The following ADGRB3 variants were observed in gnomAD, a reference collection of about 807,000 sequenced individuals.
ADGRB3 encodes brain-specific angiogenesis inhibitor 3.
In ADGRB3, 37 loss-of-function variants were observed where a neutral mutation model predicts 193.4. The observed-to-expected ratio is 0.19, with a 90% CI of 0.15 to 0.25. The LOEUF (loss-of-function observed/expected upper bound fraction) is 0.25. ADGRB3 is among the 10% of genes least tolerant of loss of function. ADGRB3 has a pLI of 1.00. For missense variants in ADGRB3, 1,637 were observed against 1,852.9 expected (o/e 0.88, Z 2.14); for synonymous variants, 690 against 644.2 (o/e 1.07, Z -1.08).
chr6:69,101,199 A>G (rs888994013), intron 17 of ADGRB3, among the ~76,000 whole-genome samples: 7 of 152,122 alleles, frequency 4.6e-5, no homozygotes, highest in Admixed American at 1.3e-4. Context: ...AAGTGCTTGT[A>G]TAAAATGCTT....
chr6:68,989,575 C>T lies in ADGRB3; in HGVS notation c.1735-4193C>T, dbSNP rs372504038. ...GTCACTGAATGTCCACTTTTAACCT[C>T]TATTTTTATATTAACCCATCATAAT... On this transcript the variant is annotated intron_variant, in intron 10 of 31. Transcript: ENST00000370598. Among the ~76,000 whole-genome samples the T allele has an allele frequency of 4.8e-4, 73 of 152,164 alleles. No homozygotes were observed. In the East Asian group the frequency reaches 0.01, roughly 21 times the overall value.
At chr6:69,010,190 A>G (rs769831245) in intron 11 of ADGRB3, among the ~76,000 whole-genome samples, 5 of 152,032 alleles carry the variant, frequency 3.3e-5, no homozygotes, top group Non-Finnish European at 7.4e-5. Flanking sequence ...CATTCACCAT[A>G]ATGCCTCTCA....
intron 3 of ADGRB3, among the ~76,000 whole-genome samples, chr6:68,644,163 A>G (rs1345955947): frequency 6.6e-6 from 1 of 152,114 alleles, no homozygotes; most frequent in Non-Finnish European, 1.5e-5. Context: ...AAAAAAAAAC[A>G]GAAGTACATG....
chr6:68,779,437 G>C (rs990759575), intron 3 of ADGRB3, among the ~76,000 whole-genome samples: 5 of 152,002 alleles, frequency 3.3e-5, no homozygotes, highest in Middle Eastern at 3.4e-3. Context: ...TGGGGTCACT[G>C]AAGATCTGGA....
intron 3 of ADGRB3, among the ~76,000 whole-genome samples, chr6:68,684,947 C>T: frequency 6.6e-6 from 1 of 152,062 alleles, no homozygotes; most frequent in East Asian, 1.9e-4. Context: ...GAGTATGCTT[C>T]ATTTTCTTAC....
At chr6:69,093,717 G>A (rs994350157) in intron 17 of ADGRB3, among the ~76,000 whole-genome samples, 1 of 151,680 alleles carries the variant, frequency 6.6e-6, no homozygotes, top group African/African-American at 2.4e-5. Flanking sequence ...GCTAGTAGGT[G>A]AGCAGCCTAG....
intron 3 of ADGRB3, among the ~76,000 whole-genome samples, chr6:68,773,198 CATTTAACAAAGAAG>C (rs1766673858): frequency 6.6e-6 from 1 of 151,920 alleles, no homozygotes; most frequent in Non-Finnish European, 1.5e-5. Flanking sequence ...ATTACTTTTT[CATTTAACAAAGAAG>C]TTGGGGTTTA....
chr6:68,951,630 T>C (rs550771936), intron 6 of ADGRB3, among the ~76,000 whole-genome samples: 1 of 152,300 alleles, frequency 6.6e-6, no homozygotes, highest in African/African-American at 2.4e-5. Flanking sequence ...TTGTGGAGTG[T>C]TTACGTTTTC....
chr6:68,764,815 A>T (rs1407435485), intron 3 of ADGRB3, among the ~76,000 whole-genome samples: 2 of 152,212 alleles, frequency 1.3e-5, no homozygotes, highest in Non-Finnish European at 2.9e-5. Context: ...ATGTTTCAAC[A>T]TGGTGCGTGG....
chr6:68,971,443 T>C (rs2150263737), intron 8 of ADGRB3, among the ~76,000 whole-genome samples: 1 of 152,272 alleles, frequency 6.6e-6, no homozygotes, highest in Non-Finnish European at 1.5e-5. Flanking sequence ...TCTCACATCT[T>C]GCCAATATCG....
intron 30 of ADGRB3, among the ~76,000 whole-genome samples, chr6:69,379,526 G>T (rs1015535452): frequency 6.6e-5 from 10 of 151,924 alleles, no homozygotes; most frequent in African/African-American, 2.4e-4. Flanking sequence ...AAACTAAAAC[G>T]ACACCTAAGT....
At chr6:68,814,163 A>T (rs2127377184) in intron 3 of ADGRB3, among the ~76,000 whole-genome samples, 1 of 152,338 alleles carries the variant, frequency 6.6e-6, no homozygotes, top group East Asian at 1.9e-4. Flanking sequence ...ACTAGTTTAC[A>T]GTCCCACCAA....
chr6:68,683,285 G>A (rs1035994583), intron 3 of ADGRB3, among the ~76,000 whole-genome samples: 2 of 151,856 alleles, frequency 1.3e-5, no homozygotes, highest in African/African-American at 4.8e-5. Context: ...GATTTACATG[G>A]TGCTAGTATT....
rs566815734 is a variant in ADGRB3, at chr6:69,025,057, A to T, written c.2107+6558A>T. Among the ~76,000 whole-genome samples the T allele has an allele frequency of 2.2e-4, 34 of 151,338 alleles. No homozygotes were observed. In the East Asian group the frequency reaches 6.6e-3, roughly 30 times the overall value. ...CAGTGAGCCGAGATCGCGCCACTGC[A>T]CTCCAGCCTGGGCGACAGAGCGAGA... On this transcript the variant is annotated intron_variant, in intron 13 of 31. Coordinates refer to ENST00000370598, the MANE Select transcript of ADGRB3 (RefSeq NM_001704.3).
intron 20 of ADGRB3, among the ~76,000 whole-genome samples, chr6:69,295,365 T>G (rs954869466): frequency 2.0e-5 from 3 of 152,136 alleles, no homozygotes; most frequent in African/African-American, 7.2e-5. Context: ...ATCAAGGAAC[T>G]TGGCCTTCAT....
chr6:69,375,011 T>C (rs1769784418), intron 30 of ADGRB3, among the ~76,000 whole-genome samples: 1 of 152,032 alleles, frequency 6.6e-6, no homozygotes, highest in South Asian at 2.1e-4. Flanking sequence ...GGAAAAGGCA[T>C]GTAGGTTGGC....
chr6:68,805,796 C>CA (rs1477730669), intron 3 of ADGRB3, among the ~76,000 whole-genome samples: 1 of 152,156 alleles, frequency 6.6e-6, no homozygotes, highest in African/African-American at 2.4e-5. Flanking sequence ...TTATATGTCA[C>CA]ACTTAAACTT....
chr6:68,824,245 C>G (rs1767800686), intron 3 of ADGRB3, among the ~76,000 whole-genome samples: 1 of 138,396 alleles, frequency 7.2e-6, no homozygotes. Flanking sequence ...CTTTATATCT[C>G]TGTGAAGAGT....
At position 69,243,996 on chromosome 6, in the gene ADGRB3, C is replaced by A. The variant is rs60393668; in HGVS notation, c.2814+4770C>A. 3.0e-3 allele frequency among the ~76,000 whole-genome samples: 450 copies of A among 152,022 alleles called. 1 individual carries two copies. Among genetic ancestry groups the A allele is most frequent in the African/African-American group, 0.01 (423 of 41,506 alleles). ...GATATTAGCTTGAGTCTTAATTGAC[C>A]TAGGAGTAAAGCAAAAGTTCTCATT... On this transcript the variant is annotated intron_variant, in intron 20 of 31. Transcript: ENST00000370598.
Sources: gnomAD v4.1 joint callset for allele counts (sites outside exome capture counted in the v4.1 genomes callset) on GRCh38, gnomAD v4.1.1 for gene constraint, MANE v1.5 for transcripts, NCBI Gene and HGNC (gene_info 2026-07-23, HGNC 2026-07-21) for gene names.